BRCC3: variants seen among roughly 807,000 people sequenced by gnomAD.
BRCC3 encodes the protein BRCA1/BRCA2-containing complex subunit 3, also known as lys-63-specific deubiquitinase BRCC36.
A neutral mutation model predicts 28.0 loss-of-function variants in BRCC3; 15 were observed. That is an observed-to-expected ratio of 0.54 (90% CI 0.36 to 0.82). BRCC3 has a LOEUF of 0.82. BRCC3 is among the 40% of genes least tolerant of loss of function. The pLI, the probability that BRCC3 is intolerant of heterozygous loss-of-function variation, is 0.01. For synonymous variants in BRCC3, 66 were observed against 80.3 expected (o/e 0.82, Z 0.95); for missense variants, 109 against 225.9 (o/e 0.48, Z 3.32).
chrX:155,116,014 C>G (rs1557298681), intron 7 of BRCC3, 43 bp from the exon 8 acceptor site: 1 of 1,178,617 alleles, frequency 8.5e-7, no homozygotes, highest in African/African-American at 1.8e-5. Context: ...CTGATTATAA[C>G]AACTCAGGGT....
chrX:155,097,934 T>G (rs1262070309), intron 7 of BRCC3, among the ~76,000 whole-genome samples: 2 of 111,374 alleles, frequency 1.8e-5, no homozygotes, highest in Non-Finnish European at 3.8e-5. Context: ...AGGCGGAGCT[T>G]GCAGTGAGCC....
At chrX:155,090,494 A>G (rs1441546090) in intron 6 of BRCC3, among the ~76,000 whole-genome samples, 1 of 111,941 alleles carries the variant, frequency 8.9e-6, no homozygotes, top group Non-Finnish European at 1.9e-5. Flanking sequence ...CATCATAAGT[A>G]GTTGTTGAAT....
Position 155,094,383 on chromosome X carries a change from T to C in BRCC3, c.548+3544T>C, listed in dbSNP as rs782739253. ...CAAATGATAATGATTATTATTATTATTATTTTGATAAAAGAATGAAAGCTT... is the reference window on the plus strand; with the variant it reads ...CAAATGATAATGATTATTATTATTACTATTTTGATAAAAGAATGAAAGCTT... On this transcript the variant is annotated intron_variant, in intron 7 of 10. Transcript: ENST00000330045. 2.7e-5 allele frequency among the ~76,000 whole-genome samples: 3 copies of C among 110,416 alleles called. No homozygotes were observed. In the East Asian group the frequency reaches 8.4e-4, roughly 31 times the overall value.
At chrX:155,099,614 G>A (rs1179076201) in intron 7 of BRCC3, among the ~76,000 whole-genome samples, 2 of 111,977 alleles carry the variant, frequency 1.8e-5, no homozygotes, top group Non-Finnish European at 3.8e-5. Context: ...GTGAGAATGC[G>A]CATTTGGAAT....
chrX:155,077,340 C>T lies in BRCC3; in HGVS notation c.315+51C>T, dbSNP rs372959814. On this transcript the variant is annotated intron_variant, in intron 4 of 10. Coordinates refer to ENST00000330045, the MANE Select transcript of BRCC3 (RefSeq NM_001018055.3). ...TTTATGTGCTCTGGGGTTCCTGGGC[C>T]GCATTGCTGCTTGCTGCAGTCATCC... 2.3e-5 allele frequency: 25 copies of T among 1,085,645 alleles called. 1 individual carries two copies. The highest frequency in any genetic ancestry group is 5.6e-5 in the African/African-American group (3 of 54,048). 89.5% of individuals were successfully genotyped at this position (1,085,645 alleles called of 1,213,427 possible).
chrX:155,074,356 A>C (rs1469792091), intron 3 of BRCC3, among the ~76,000 whole-genome samples: 1 of 111,584 alleles, frequency 9.0e-6, no homozygotes, highest in Non-Finnish European at 1.9e-5. Flanking sequence ...CTACTCCTTC[A>C]CCTTCCCCAG....
rs2074158810 is a variant in BRCC3, at chrX:155,089,362, T to C, written c.492+11T>C. 9.6e-7 allele frequency: 1 copy of C among 1,045,670 alleles called. No individual in the cohort carries two copies. The highest frequency in any genetic ancestry group is 1.3e-6 in the Non-Finnish European group (1 of 762,670). 86.2% of individuals were successfully genotyped at this position (1,045,670 alleles called of 1,213,427 possible). A position where few individuals can be genotyped will look rare whatever the true frequency, so the allele number is the denominator to read the frequency against. ...GATAAGAACACAAAGGTATTGTGTG[T>C]GCATGTGTGTGTGTGTGTGTGTGTG... On this transcript the variant is annotated intron_variant, in intron 6 of 10. Transcript: ENST00000330045.
chrX:155,116,136 C>G lies in BRCC3; in HGVS notation c.628C>G (p.Leu210Val). The G allele has an allele frequency of 8.3e-7, 1 of 1,205,843 alleles. No individual in the cohort carries two copies. The highest frequency in any genetic ancestry group is 1.1e-6 in the Non-Finnish European group (1 of 892,142). Residue 210 changes from leucine (L) to valine (V), a missense_variant, in exon 8 of 11, where the codon CTG becomes GTG. Around this residue, in one of 3 missense-constraint regions of BRCC3, gnomAD observed 50 missense variants for 115.2 expected, o/e 0.43. Coordinates refer to ENST00000330045, the MANE Select transcript of BRCC3 (RefSeq NM_001018055.3). ...AGTGTGCCTTGAATCAGCAGTAGAG[C>G]TGCCCAAGATCCTGTGCCAGGAGGA... ...GKVCLESAVE[L>V]PKILCQEEQD...
At chrX:155,099,433 C>A (rs1557296643) in intron 7 of BRCC3, 1 of 1,189,224 alleles carries the variant, frequency 8.4e-7, no homozygotes, top group East Asian at 3.0e-5. Context: ...CAACTGATTT[C>A]CAATAAGTGA....
intron 7 of BRCC3, among the ~76,000 whole-genome samples, 169 bp downstream of exon 7, chrX:155,091,008 G>C (rs2074170987): frequency 9.0e-6 from 1 of 111,683 alleles, no homozygotes; most frequent in South Asian, 3.7e-4. Context: ...TAGCAGCTTG[G>C]ATACTGGGGA....
In BRCC3 at chrX:155,099,491, G is replaced by A. The variant is rs1046521371; in HGVS notation, c.548+8652G>A. On this transcript the variant is annotated intron_variant, in intron 7 of 10. Coordinates refer to ENST00000330045, the MANE Select transcript of BRCC3 (RefSeq NM_001018055.3). ...CAATTCCACTTCCATCTCACTGGCAGAACTCAGTCAAGTGGCCATACCTAA... is the reference window on the plus strand; with the variant it reads ...CAATTCCACTTCCATCTCACTGGCAAAACTCAGTCAAGTGGCCATACCTAA... 72 of 1,091,292 alleles carry A rather than the reference G, an allele frequency of 6.6e-5. No individual in the cohort carries two copies. The Admixed American group carries it at 1.9e-3, about 28-fold the overall frequency. The allele number at this position is 1,091,292 out of a possible 1,213,427, so 89.9% of individuals were successfully genotyped here. A position where few individuals can be genotyped will look rare whatever the true frequency, so the allele number is the denominator to read the frequency against.
chrX:155,086,986 C>T (rs2074135446), intron 5 of BRCC3, among the ~76,000 whole-genome samples: 1 of 111,960 alleles, frequency 8.9e-6, no homozygotes, highest in Non-Finnish European at 1.9e-5. Flanking sequence ...AGGTGGCCAG[C>T]AGAGGTAGAT....
chrX:155,088,139 C>T (rs1352685319), intron 5 of BRCC3, among the ~76,000 whole-genome samples: 4 of 111,721 alleles, frequency 3.6e-5, no homozygotes, highest in African/African-American at 1.3e-4. Context: ...TGTTTGGTCT[C>T]AGTCTTTACT....
intron 3 of BRCC3, among the ~76,000 whole-genome samples, chrX:155,074,197 T>C (rs1369079923): frequency 8.9e-6 from 1 of 112,368 alleles, no homozygotes; most frequent in Non-Finnish European, 1.9e-5. Context: ...CTTCTCCCTG[T>C]CACCTGGTTC....
chrX:155,084,512 G>A (rs987480993), intron 5 of BRCC3, among the ~76,000 whole-genome samples: 1 of 111,533 alleles, frequency 9.0e-6, no homozygotes, highest in South Asian at 3.8e-4. Context: ...ACAGGCATCC[G>A]CCACCACACC....
At chrX:155,074,793 C>G (rs73569633) in intron 3 of BRCC3, among the ~76,000 whole-genome samples, 26,160 of 110,921 alleles carry the variant, frequency 0.24, 2,283 homozygotes, top group South Asian at 0.4. Context: ...ATTTTTTATC[C>G]TTTTATTTTT....
chrX:155,085,431 C>T (rs782390694), intron 5 of BRCC3, among the ~76,000 whole-genome samples: 33 of 112,143 alleles, frequency 2.9e-4, no homozygotes, highest in East Asian at 2.8e-4. Context: ...AGCTCTCTGC[C>T]GTACTTGCCA....
At chrX:155,090,659 AT>A (rs1340593436) in intron 6 of BRCC3, 124 bp from the exon 7 acceptor site, 17 of 514,499 alleles carry the variant, frequency 3.3e-5, no homozygotes, top group Non-Finnish European at 5.3e-5. Flanking sequence ...ATAGAAATTA[AT>A]TTATGGCATA....
In BRCC3 at chrX:155,091,794, TA is replaced by T. The variant is rs1186835284; in HGVS notation, c.548+968del. On this transcript the variant is annotated intron_variant, in intron 7 of 10. Transcript: ENST00000330045. ...ATATAATGGAATAAAATGCAGCCGT[TA>T]AAAAAAAAAAAAGCAAGGAAGCTTG... Among the ~76,000 whole-genome samples, 565 of 97,677 alleles carry T rather than the reference TA, an allele frequency of 5.8e-3. 1 individual carries two copies. The highest frequency in any genetic ancestry group is 0.016 in the South Asian group (36 of 2,280). The allele number at this position is 97,677 out of a possible 115,157, so 84.8% of individuals were successfully genotyped here.
Sources: gnomAD v4.1 joint callset for allele counts (sites outside exome capture counted in the v4.1 genomes callset) on GRCh38, gnomAD v4.1.1 for gene constraint, gnomAD v4.1.1 regional missense constraint, MANE v1.5 for transcripts, NCBI Gene and HGNC (gene_info 2026-07-23, HGNC 2026-07-21) for gene names.